SAMD3: variants seen among roughly 807,000 people sequenced by gnomAD.
SAMD3 encodes the protein sterile alpha motif domain containing 3, also known as sterile alpha motif domain-containing protein 3.
A neutral mutation model predicts 58.5 loss-of-function variants in SAMD3; 63 were observed. That is an observed-to-expected ratio of 1.08 (90% CI 0.88 to 1.33). SAMD3 has a LOEUF of 1.33. Among genes scored for constraint, SAMD3 ranks in the 40% most tolerant of loss-of-function variants. The pLI is 0.00. For missense variants in SAMD3, 604 were observed against 608.4 expected (o/e 0.99, Z 0.08); for synonymous variants, 220 against 210.3 (o/e 1.05, Z -0.40).
downstream of SAMD3, chr6:130,144,216 G>A: frequency 3.0e-6 from 1 of 330,570 alleles, no homozygotes; most frequent in South Asian, 4.3e-5. Context: ...TCTCTAACCT[G>A]AAGGATTTGA....
intron 2 of SAMD3, among the ~76,000 whole-genome samples, chr6:130,284,265 A>C (rs553724552): frequency 6.6e-6 from 1 of 152,310 alleles, no homozygotes; most frequent in South Asian, 2.1e-4. Context: ...AAGATGAGTA[A>C]TTTTTATTAG....
chr6:130,163,729 A>G (rs1319939059), intron 8 of SAMD3, among the ~76,000 whole-genome samples: 2 of 152,236 alleles, frequency 1.3e-5, no homozygotes, highest in African/African-American at 4.8e-5. Context: ...GCAATAAATC[A>G]TTATGTGTCA....
chr6:130,350,263 G>A (rs996496232), intron 1 of SAMD3, among the ~76,000 whole-genome samples: 6 of 152,132 alleles, frequency 3.9e-5, no homozygotes, highest in Admixed American at 2.0e-4. Flanking sequence ...ATTCAATTAG[G>A]AAAAGAGAAA....
intron 8 of SAMD3, among the ~76,000 whole-genome samples, chr6:130,163,116 A>C (rs970310977): frequency 6.6e-6 from 1 of 152,126 alleles, no homozygotes; most frequent in Non-Finnish European, 1.5e-5. Context: ...TTGAAATGTA[A>C]GTGCAAACAC....
chr6:130,319,205 A>C (rs560575804), intron 1 of SAMD3, among the ~76,000 whole-genome samples: 1 of 152,276 alleles, frequency 6.6e-6, no homozygotes, highest in African/African-American at 2.4e-5. Context: ...AGGAGAAGAG[A>C]GAGAGGGACA....
chr6:130,241,653 G>A (rs1216125320), intron 2 of SAMD3, among the ~76,000 whole-genome samples: 1 of 151,708 alleles, frequency 6.6e-6, no homozygotes, highest in Non-Finnish European at 1.5e-5. Context: ...AAATTAAAAA[G>A]CAAAATGGAA....
intron 7 of SAMD3, among the ~76,000 whole-genome samples, chr6:130,178,715 C>T (rs1019042319): frequency 2.2e-4 from 34 of 152,186 alleles, no homozygotes; most frequent in African/African-American, 7.2e-4. Context: ...TAAAACGGAA[C>T]AATAAGATCT....
intron 2 of SAMD3, among the ~76,000 whole-genome samples, chr6:130,245,332 A>G (rs1264107569): frequency 6.6e-6 from 1 of 152,238 alleles, no homozygotes; most frequent in Middle Eastern, 3.2e-3. Context: ...TCAACATGAC[A>G]CTTTTATATT....
intron 2 of SAMD3, among the ~76,000 whole-genome samples, chr6:130,311,696 G>A (rs1050853935): frequency 6.6e-6 from 1 of 152,158 alleles, no homozygotes; most frequent in Non-Finnish European, 1.5e-5. Context: ...CAGGGCAAAG[G>A]ATATAAGAGT....
At chr6:130,332,084 GAA>G (rs960539048) in intron 1 of SAMD3, among the ~76,000 whole-genome samples, 12 of 152,196 alleles carry the variant, frequency 7.9e-5, no homozygotes, top group Non-Finnish European at 1.6e-4. Context: ...AATGATGGTT[GAA>G]TTAGGATGGT....
chr6:130,319,035 A>G (rs1436325577), intron 1 of SAMD3, among the ~76,000 whole-genome samples: 3 of 152,212 alleles, frequency 2.0e-5, no homozygotes, highest in Non-Finnish European at 4.4e-5. Context: ...CAGATTAGGT[A>G]TTGCAGAAAA....
intron 5 of SAMD3, among the ~76,000 whole-genome samples, chr6:130,194,765 A>T (rs897934067): frequency 6.6e-6 from 1 of 152,204 alleles, no homozygotes; most frequent in Non-Finnish European, 1.5e-5. Context: ...CTCTGGCCCA[A>T]GGCTCTCTGA....
chr6:130,171,017 G>C (rs933206743), intron 8 of SAMD3, among the ~76,000 whole-genome samples: 18 of 152,164 alleles, frequency 1.2e-4, no homozygotes, highest in African/African-American at 4.1e-4. Flanking sequence ...CTTGTCTTGT[G>C]CTGGTTTTCA....
rs142416804 is a variant in SAMD3 at position 130,332,341 on chromosome 6, C to T, written c.-303-19248G>A. On this transcript the variant is annotated intron_variant, in intron 1 of 13. Transcript: ENST00000368134. Reference sequence around the variant, plus strand: ...CATGTTAAGTTTGAGAGGTAAATTACATATTCAGATGGAAATGTCAAGAAA... The same window carrying T: ...CATGTTAAGTTTGAGAGGTAAATTATATATTCAGATGGAAATGTCAAGAAA... Among the ~76,000 whole-genome samples, 1,193 of 152,240 alleles carry T rather than the reference C, an allele frequency of 7.8e-3. 19 individuals carry two copies. Among genetic ancestry groups the T allele is most frequent in the African/African-American group, 0.026 (1,088 of 41,530 alleles).
At position 130,317,643 on chromosome 6, in the gene SAMD3, C is replaced by T. The variant is rs746555287; in HGVS notation, c.-303-4550G>A. On this transcript the variant is annotated intron_variant, in intron 1 of 13. Transcript: ENST00000368134. ...AAGTAGAATGGCTGTTCTAAAAATG[C>T]ACTTTTAATTTCTGCTCTTGATCAA... 7.8e-4 allele frequency among the ~76,000 whole-genome samples: 119 copies of T among 152,246 alleles called. 2 individuals are homozygous for T. The highest frequency in any genetic ancestry group is 2.4e-4 in the Non-Finnish European group (16 of 68,008).
intron 2 of SAMD3, among the ~76,000 whole-genome samples, chr6:130,247,709 T>G (rs1773599447): frequency 6.6e-6 from 1 of 152,208 alleles, no homozygotes; most frequent in African/African-American, 2.4e-5. Context: ...TTGTCTGAAA[T>G]ATATCTCAGG....
intron 2 of SAMD3, among the ~76,000 whole-genome samples, chr6:130,310,771 A>G (rs1374050653): frequency 6.6e-6 from 1 of 152,202 alleles, no homozygotes; most frequent in Non-Finnish European, 1.5e-5. Flanking sequence ...TTGCAAAAAT[A>G]ATGAGCTGAA....
chr6:130,353,331 C>A (rs892012463), intron 1 of SAMD3, among the ~76,000 whole-genome samples: 8 of 152,160 alleles, frequency 5.3e-5, no homozygotes, highest in Non-Finnish European at 1.2e-4. Context: ...TGTGTATATG[C>A]AGTTGGTCAA....
In SAMD3 at chr6:130,144,884, C is replaced by T. The variant is rs182119565; in HGVS notation, c.1279-80G>A. On this transcript the variant is annotated intron_variant, in intron 11 of 11. Coordinates refer to ENST00000439090, the MANE Select transcript of SAMD3 (RefSeq NM_001017373.4). ...ACATCTGAACTTAATCATGGTATTA[C>T]AATAAATCAGCTTGTTGCAATGTAG... 3,458 of 1,251,358 alleles carry T rather than the reference C, an allele frequency of 2.8e-3. 8 individuals carry two copies. Among genetic ancestry groups the T allele is most frequent in the Middle Eastern group, 6.6e-3 (33 of 5,004 alleles). The allele number at this position is 1,251,358 out of a possible 1,614,324, so 77.5% of individuals were successfully genotyped here.
Sources: allele counts gnomAD v4.1 joint callset (sites outside exome capture counted in the v4.1 genomes callset), GRCh38; gene constraint gnomAD v4.1.1; transcripts MANE v1.5; gene names NCBI Gene and HGNC (gene_info 2026-07-23, HGNC 2026-07-21).